Variants in COL5A2 observed in about 807,000 individuals in gnomAD.
COL5A2 encodes collagen alpha-2(V) chain.
Under a neutral mutation model 208.2 loss-of-function variants are expected in COL5A2, and 23 were observed. That is an observed-to-expected ratio of 0.11 (90% CI 0.08 to 0.16). The LOEUF (loss-of-function observed/expected upper bound fraction) is 0.16, where lower values mean the gene tolerates loss of function less well. Ranked by LOEUF, COL5A2 falls within the 10% of genes least tolerant of loss-of-function variation. The pLI is 1.00. For synonymous variants in COL5A2, 625 were observed against 628.5 expected (o/e 0.99, Z 0.08); for missense variants, 1,590 against 1,956.4 (o/e 0.81, Z 3.53).
intron 4 of COL5A2, 21 bp downstream of exon 4, chr2:189,100,086 A>G (rs1209994486): frequency 6.3e-7 from 1 of 1,586,896 alleles, no homozygotes; most frequent in Non-Finnish European, 8.7e-7. Context: ...ACAAGGAAAC[A>G]ATGATTATAC....
chr2:189,050,506 C>A (rs1230977436), intron 43 of COL5A2, 63 bp downstream of exon 43: 2 of 1,328,426 alleles, frequency 1.5e-6, no homozygotes, highest in East Asian at 2.5e-5. Context: ...AAAATAAAAT[C>A]AATTCTCTAA....
chr2:189,163,371 A>T (rs927985073), intron 1 of COL5A2, among the ~76,000 whole-genome samples: 1 of 152,242 alleles, frequency 6.6e-6, no homozygotes, highest in African/African-American at 2.4e-5. Flanking sequence ...GTGGCTAAAC[A>T]GCATAACACA....
chr2:189,037,506 G>T (rs773912417), intron 51 of COL5A2, among the ~76,000 whole-genome samples: 4 of 152,142 alleles, frequency 2.6e-5, no homozygotes, highest in Non-Finnish European at 4.4e-5. Context: ...TTTCTTCAAT[G>T]ATAATAATTT....
chr2:189,049,319 G>T, intron 44 of COL5A2, 28 bp downstream of exon 44: 1 of 1,466,266 alleles, frequency 6.8e-7, no homozygotes, highest in Non-Finnish European at 9.5e-7. Context: ...GATAACAAGA[G>T]AAGAGTTATT....
chr2:189,073,577 G>T (rs991808060), intron 17 of COL5A2, among the ~76,000 whole-genome samples: 6 of 152,080 alleles, frequency 3.9e-5, no homozygotes, highest in Non-Finnish European at 7.4e-5. Flanking sequence ...TATAGCCAAA[G>T]TTGAGAACCA....
the COL5A2 span, among the ~76,000 whole-genome samples, chr2:189,297,634 G>A: frequency 0.012 from 1,882 of 152,164 alleles, 32 homozygotes; most frequent in African/African-American, 0.044. Flanking sequence ...TTACATAGAA[G>A]TCTAACCCAC....
At chr2:189,316,352 A>C in the COL5A2 span, among the ~76,000 whole-genome samples, 65 of 152,212 alleles carry the variant, frequency 4.3e-4, no homozygotes, top group Non-Finnish European at 8.2e-4. Flanking sequence ...GCATACTAAT[A>C]TAGGAATAGA....
chr2:189,354,635 C>G, the COL5A2 span, among the ~76,000 whole-genome samples: 1 of 151,610 alleles, frequency 6.6e-6, no homozygotes, highest in Non-Finnish European at 1.5e-5. Context: ...GCCCCTTTAT[C>G]ATTTTTTTAT....
chr2:189,270,212 C>T, the COL5A2 span, among the ~76,000 whole-genome samples: 2 of 151,856 alleles, frequency 1.3e-5, no homozygotes, highest in South Asian at 2.1e-4. Flanking sequence ...TTTTTTGAAG[C>T]GTTTTTCGCA....
the COL5A2 span, among the ~76,000 whole-genome samples, chr2:189,378,617 G>A: frequency 7.5e-4 from 114 of 152,020 alleles, no homozygotes; most frequent in African/African-American, 2.6e-3. Flanking sequence ...CCAGCTACTC[G>A]GGAGGCTGAG....
At chr2:189,180,951 G>A (rs1688771415), upstream of COL5A2, among the ~76,000 whole-genome samples, 1 of 152,048 alleles carries the variant, frequency 6.6e-6, no homozygotes, top group Non-Finnish European at 1.5e-5. Context: ...TATAATTATT[G>A]GGCAACAGGT....
At chr2:189,316,101 C>T in the COL5A2 span, among the ~76,000 whole-genome samples, 1 of 152,068 alleles carries the variant, frequency 6.6e-6, no homozygotes, top group African/African-American at 2.4e-5. Flanking sequence ...TCAGCAATTC[C>T]ATTACTTGCT....
At chr2:189,259,951 T>A in the COL5A2 span, among the ~76,000 whole-genome samples, 3 of 151,960 alleles carry the variant, frequency 2.0e-5, no homozygotes, top group Non-Finnish European at 4.4e-5. Context: ...GGAGTCCACA[T>A]AGAAAAGAGA....
intron 18 of COL5A2, among the ~76,000 whole-genome samples, chr2:189,071,806 T>G (rs1407013577): frequency 2.0e-5 from 3 of 152,186 alleles, no homozygotes; most frequent in African/African-American, 7.2e-5. Context: ...ATCAGGTTCT[T>G]TGATATTATA....
chr2:189,182,221 G>A (rs1688790702), upstream of COL5A2, among the ~76,000 whole-genome samples: 2 of 152,104 alleles, frequency 1.3e-5, no homozygotes, highest in Admixed American at 6.6e-5. Flanking sequence ...GCTGCAGTGG[G>A]GTACTCAGAA....
intron 13 of COL5A2, 104 bp from the exon 14 acceptor site, chr2:189,080,135 T>C: frequency 1.2e-6 from 1 of 828,724 alleles, no homozygotes. Context: ...TAAAAATGAA[T>C]ATCAAATTTA....
At chr2:189,185,032 T>G (rs1173836635) in intron 1 of COL5A2, among the ~76,000 whole-genome samples, 1 of 152,186 alleles carries the variant, frequency 6.6e-6, no homozygotes, top group African/African-American at 2.4e-5. Context: ...ATGCTACTTT[T>G]TTTTTTTTTG....
At chr2:189,356,854 C>A in the COL5A2 span, among the ~76,000 whole-genome samples, 1 of 152,178 alleles carries the variant, frequency 6.6e-6, no homozygotes, top group Middle Eastern at 3.2e-3. Context: ...GCACTGGTTT[C>A]TCTCCATCTT....
chr2:189,126,575 G>A (rs1018127750), intron 1 of COL5A2, among the ~76,000 whole-genome samples: 27 of 152,020 alleles, frequency 1.8e-4, no homozygotes, highest in Non-Finnish European at 3.8e-4. Flanking sequence ...TAAAACTCAG[G>A]AAGAATAAAT....
Sources: allele counts gnomAD v4.1 joint callset (sites outside exome capture counted in the v4.1 genomes callset), GRCh38; gene constraint gnomAD v4.1.1; transcripts MANE v1.5; gene names NCBI Gene and HGNC (gene_info 2026-07-23, HGNC 2026-07-21).